The following MAP3K5 variants were observed in gnomAD, a reference collection of about 807,000 sequenced individuals.
MAP3K5 encodes the protein ASK-1.
A neutral mutation model predicts 158.7 loss-of-function variants in MAP3K5; 56 were observed. The observed-to-expected ratio is 0.35, with a 90% CI of 0.28 to 0.44. The LOEUF (loss-of-function observed/expected upper bound fraction) is 0.44, where lower values mean the gene tolerates loss of function less well. MAP3K5 is among the 20% of genes least tolerant of loss of function. The pLI is 1.00. For missense variants in MAP3K5, 1,294 were observed against 1,674.8 expected (o/e 0.77, Z 3.97); for synonymous variants, 579 against 601.7 (o/e 0.96, Z 0.55).
chr6:136,679,654 T>G (rs1779849485), intron 7 of MAP3K5, among the ~76,000 whole-genome samples: 1 of 152,228 alleles, frequency 6.6e-6, no homozygotes, highest in Non-Finnish European at 1.5e-5. Flanking sequence ...GTTCTAACTG[T>G]GTTTTTCCAG....
intron 28 of MAP3K5, among the ~76,000 whole-genome samples, chr6:136,561,331 A>G (rs1830502456): frequency 6.6e-6 from 1 of 152,102 alleles, no homozygotes. Context: ...CTTTTTCTTC[A>G]TAGAATTTAC....
At chr6:136,631,027 A>G (rs1326847723) in intron 14 of MAP3K5, among the ~76,000 whole-genome samples, 1 of 150,344 alleles carries the variant, frequency 6.7e-6, no homozygotes, top group Non-Finnish European at 1.5e-5. Flanking sequence ...TGAGCCCAAG[A>G]GATAGAGGCT....
At chr6:136,669,051 G>C (rs1779353930) in intron 8 of MAP3K5, among the ~76,000 whole-genome samples, 1 of 152,100 alleles carries the variant, frequency 6.6e-6, no homozygotes, top group Admixed American at 6.6e-5. Flanking sequence ...TATTAACCAG[G>C]GGGACTTTTA....
rs375847200 is a variant in MAP3K5, at chr6:136,627,619, C to T, written c.2017-4638G>A. ...TAGAGCTCTCATGAATGGGATTAGT[C>T]CCCTTATGAAAGAGGCTTGAAGGAG... is the stretch of plus-strand genomic sequence containing the variant. On this transcript the variant is annotated intron_variant, in intron 14 of 29. Coordinates refer to ENST00000359015, the MANE Select transcript of MAP3K5 (RefSeq NM_005923.4). Among the ~76,000 whole-genome samples the T allele has an allele frequency of 2.0e-4, 31 of 152,250 alleles. 2 individuals are homozygous for T. The highest frequency in any genetic ancestry group is 9.7e-4 in the East Asian group (5 of 5,180).
intron 24 of MAP3K5, among the ~76,000 whole-genome samples, chr6:136,581,001 A>C (rs187050133): frequency 6.6e-6 from 1 of 152,224 alleles, no homozygotes; most frequent in Non-Finnish European, 1.5e-5. Flanking sequence ...TTTTAAGTGT[A>C]TGGTTCAGTG....
chr6:136,585,469 T>TTTTCTTTTCTTTC (rs35799129), intron 23 of MAP3K5, among the ~76,000 whole-genome samples: 4 of 131,524 alleles, frequency 3.0e-5, no homozygotes, highest in East Asian at 5.1e-4. Context: ...CTTTCTTTTC[T>TTTTCTTTTCTTTC]TTTCTTTATT....
chr6:136,663,886 C>A (rs1325674412), intron 8 of MAP3K5, among the ~76,000 whole-genome samples: 1 of 152,170 alleles, frequency 6.6e-6, no homozygotes, highest in Non-Finnish European at 1.5e-5. Context: ...GCTGGGATTA[C>A]AGGCATGAGC....
rs969074491 is a variant in MAP3K5, at chr6:136,681,898, A to G, written c.1253+12242T>C. ...CGTGCCATTGCACTCCAGCCTGGGC[A>G]ACAGAGCAAGACTCTGTTTTAAAAA... On this transcript the variant is annotated intron_variant, in intron 7 of 29. Coordinates refer to ENST00000359015, the MANE Select transcript of MAP3K5 (RefSeq NM_005923.4). 3.9e-5 allele frequency among the ~76,000 whole-genome samples: 6 copies of G among 152,138 alleles called. No homozygotes were observed. In the East Asian group the frequency reaches 5.8e-4, roughly 15 times the overall value.
At chr6:136,765,544 G>A (rs1442692178) in intron 1 of MAP3K5, among the ~76,000 whole-genome samples, 2 of 150,690 alleles carry the variant, frequency 1.3e-5, no homozygotes, top group African/African-American at 2.4e-5. Flanking sequence ...ACAGAGTCTC[G>A]CTCTGTCGCC....
intron 25 of MAP3K5, among the ~76,000 whole-genome samples, chr6:136,572,050 T>C (rs557062707): frequency 6.6e-6 from 1 of 152,294 alleles, no homozygotes; most frequent in South Asian, 2.1e-4. Context: ...CCAGCGCTGA[T>C]TGCAGGGGCT....
rs2129074920 is a variant in MAP3K5 at position 136,580,291 on chromosome 6, T to C, written c.3517+10A>G. The stretch of plus-strand genomic sequence containing the variant: ...ACTAAATATGTGCAGAGTAATTAAA[T>C]ATCTCTGACCTGGAACCAGGATGGT... On this transcript the variant is annotated intron_variant, in intron 25 of 29. Transcript: ENST00000359015. 6.4e-7 allele frequency: 1 copy of C among 1,569,102 alleles called. No individual in the cohort carries two copies. The highest frequency in any genetic ancestry group is 8.8e-7 in the Non-Finnish European group (1 of 1,139,200).
At chr6:136,780,295 G>A (rs2115036504) in intron 1 of MAP3K5, among the ~76,000 whole-genome samples, 1 of 152,288 alleles carries the variant, frequency 6.6e-6, no homozygotes, top group African/African-American at 2.4e-5. Context: ...AGATACAATT[G>A]ATTTCTACCC....
chr6:136,744,126 ACAACAC>A (rs1211054472), intron 1 of MAP3K5, among the ~76,000 whole-genome samples: 1 of 152,192 alleles, frequency 6.6e-6, no homozygotes, highest in East Asian at 1.9e-4. Flanking sequence ...CATAAAATAC[ACAACAC>A]CAAGAATGAA....
chr6:136,665,443 T>C (rs1409267362), intron 8 of MAP3K5, among the ~76,000 whole-genome samples: 2 of 150,656 alleles, frequency 1.3e-5, no homozygotes, highest in Non-Finnish European at 2.9e-5. Context: ...GTCTCCTGGG[T>C]TCAAGCGATT....
chr6:136,768,609 G>A (rs1049315813), intron 1 of MAP3K5, among the ~76,000 whole-genome samples: 4 of 152,204 alleles, frequency 2.6e-5, no homozygotes, highest in African/African-American at 9.6e-5. Context: ...AAATGGTACA[G>A]CCACTTTAGA....
chr6:136,654,141 C>T (rs546350928), intron 10 of MAP3K5, among the ~76,000 whole-genome samples: 8 of 152,302 alleles, frequency 5.3e-5, no homozygotes, highest in African/African-American at 1.4e-4. Flanking sequence ...ATATTTGCTT[C>T]GAAATGTTTT....
chr6:136,584,685 A>G (rs1448354126), intron 23 of MAP3K5, among the ~76,000 whole-genome samples: 1 of 152,140 alleles, frequency 6.6e-6, no homozygotes, highest in Non-Finnish European at 1.5e-5. Flanking sequence ...CAGCCAAACC[A>G]TATCAGGGAG....
At chr6:136,581,263 G>C (rs766434928) in intron 24 of MAP3K5, among the ~76,000 whole-genome samples, 2 of 152,158 alleles carry the variant, frequency 1.3e-5, no homozygotes, top group Admixed American at 6.5e-5. Flanking sequence ...ACATCTCTAA[G>C]CTTCATTCAT....
At chr6:136,631,614 G>A (rs1156837676) in intron 14 of MAP3K5, among the ~76,000 whole-genome samples, 4 of 151,622 alleles carry the variant, frequency 2.6e-5, no homozygotes, top group Non-Finnish European at 5.9e-5. Context: ...TCGGGCTCAA[G>A]CAGAGAGGTC....
Sources: allele counts gnomAD v4.1 joint callset (sites outside exome capture counted in the v4.1 genomes callset), GRCh38; gene constraint gnomAD v4.1.1; transcripts MANE v1.5; gene names NCBI Gene and HGNC (gene_info 2026-07-23, HGNC 2026-07-21).